RAPGEF4: variants seen among roughly 807,000 people sequenced by gnomAD.
RAPGEF4 encodes Rap guanine nucleotide exchange factor 4.
RAPGEF4 carries 66 observed loss-of-function variants against 147.9 expected under a neutral mutation model. That is an observed-to-expected ratio of 0.45 (90% CI 0.37 to 0.55). The LOEUF (loss-of-function observed/expected upper bound fraction) is 0.55. RAPGEF4 is among the 20% of genes least tolerant of loss of function. The pLI is 0.00. For missense variants in RAPGEF4, 1,071 were observed against 1,257.3 expected, an observed-to-expected ratio of 0.85 and a Z score of 2.24; for synonymous variants, 419 against 442.7, an observed-to-expected ratio of 0.95 and a Z score of 0.67.
chr2:172,739,507 G>T (rs1479608126), intron 1 of RAPGEF4, among the ~76,000 whole-genome samples: 1 of 151,978 alleles, frequency 6.6e-6, no homozygotes, highest in Non-Finnish European at 1.5e-5. Flanking sequence ...GAGTAGCTGG[G>T]ATTACAGGCA....
intron 4 of RAPGEF4, among the ~76,000 whole-genome samples, chr2:172,858,257 CG>C (rs1467330215): frequency 6.6e-6 from 1 of 152,128 alleles, no homozygotes; most frequent in Non-Finnish European, 1.5e-5. Context: ...TTAATTTCAT[CG>C]TATTCCTCTT....
At chr2:173,033,858 A>C (rs2105992650) in intron 26 of RAPGEF4, 56 bp from the exon 27 acceptor site, 1 of 1,505,064 alleles carries the variant, frequency 6.6e-7, no homozygotes, top group South Asian at 1.1e-5. Flanking sequence ...AACCCATGAT[A>C]CATATCTAGA....
chr2:172,821,737 T>TAAAAAAA (rs35414922), intron 4 of RAPGEF4: 4 of 820,050 alleles, frequency 4.9e-6, no homozygotes, highest in Admixed American at 1.1e-4. Context: ...TAACTAAAGT[T>TAAAAAAA]AAAAAAAAAA....
rs116080677 is a variant in RAPGEF4, at chr2:172,888,334, G to A, written c.445-29468G>A. On this transcript the variant is annotated intron_variant, in intron 4 of 30. Coordinates refer to ENST00000397081, the MANE Select transcript of RAPGEF4 (RefSeq NM_007023.4). The stretch of plus-strand genomic sequence containing the variant: ...TGACCAAGAAGACGGGGAACATGAT[G>A]CCCAGCTCTCCTGTATCTCAGTCTG... 1.4e-3 allele frequency among the ~76,000 whole-genome samples: 210 copies of A among 152,338 alleles called. 1 individual carries two copies. Among genetic ancestry groups the A allele is most frequent in the African/African-American group, 4.7e-3 (195 of 41,576 alleles).
chr2:173,025,891 T>G (rs950946784), intron 23 of RAPGEF4, among the ~76,000 whole-genome samples: 3 of 152,248 alleles, frequency 2.0e-5, no homozygotes, highest in Non-Finnish European at 2.9e-5. Flanking sequence ...AAAACTGAGA[T>G]AAGCAAGTCA....
In RAPGEF4 at chr2:173,017,444, C is replaced by T; in HGVS notation, c.1948C>T (p.Gln650Ter). Residue 650 changes from glutamine (Q) to a stop codon, truncating the protein, a stop_gained, in exon 21 of 31, where the codon CAG becomes TAG. Transcript: ENST00000397081. LOFTEE classifies it high-confidence loss of function. ...PQKKHKVLLQQFNTGDERAQK... is the reference protein window; with the variant it reads ...PQKKHKVLLQ ...TTTACAGCACAAGGTTCTTTTGCAA[C>T]AGTTCAATACGGGCGATGAGAGAGC... The T allele has an allele frequency of 6.2e-7, 1 of 1,614,176 alleles. No individual in the cohort carries two copies. Among genetic ancestry groups the T allele is most frequent in the Non-Finnish European group, 8.5e-7 (1 of 1,180,012 alleles).
chr2:172,817,695 C>T (rs1008403081), intron 4 of RAPGEF4, among the ~76,000 whole-genome samples: 1 of 151,878 alleles, frequency 6.6e-6, no homozygotes, highest in African/African-American at 2.4e-5. Context: ...CCTTAATGAA[C>T]AAAAATAGAA....
intron 15 of RAPGEF4, among the ~76,000 whole-genome samples, chr2:172,994,813 A>G (rs780507899): frequency 6.6e-6 from 1 of 152,214 alleles, no homozygotes; most frequent in Non-Finnish European, 1.5e-5. Context: ...CTTCTACCTT[A>G]TCTCTTTTGA....
intron 1 of RAPGEF4, among the ~76,000 whole-genome samples, chr2:172,751,791 A>C (rs1478719696): frequency 6.6e-6 from 1 of 152,190 alleles, no homozygotes; most frequent in Non-Finnish European, 1.5e-5. Flanking sequence ...CACAGGCTGA[A>C]TCAATGCGGC....
At chr2:172,882,506 A>C (rs1696739406) in intron 4 of RAPGEF4, among the ~76,000 whole-genome samples, 4 of 152,218 alleles carry the variant, frequency 2.6e-5, no homozygotes. Flanking sequence ...ACCACAAAGA[A>C]GTTCAAAATG....
intron 4 of RAPGEF4, among the ~76,000 whole-genome samples, chr2:172,880,556 A>AAACCTGG (rs1445358405): frequency 7.9e-5 from 12 of 151,194 alleles, no homozygotes; most frequent in Admixed American, 7.2e-4. Flanking sequence ...GAACTTTTGA[A>AAACCTGG]AACCTGGGCT....
chr2:172,754,855 A>G (rs974742042), intron 1 of RAPGEF4, among the ~76,000 whole-genome samples: 2 of 152,210 alleles, frequency 1.3e-5, no homozygotes, highest in Non-Finnish European at 2.9e-5. Context: ...ATCCTGGCTA[A>G]CACGGTGAAA....
intron 3 of RAPGEF4, among the ~76,000 whole-genome samples, chr2:172,798,999 G>A (rs906541465): frequency 2.0e-5 from 3 of 152,150 alleles, no homozygotes; most frequent in African/African-American, 7.2e-5. Context: ...TCACAGGGCT[G>A]GCTTTCTCTT....
chr2:172,766,263 A>G (rs1696827272), intron 1 of RAPGEF4, among the ~76,000 whole-genome samples: 1 of 152,050 alleles, frequency 6.6e-6, no homozygotes, highest in Admixed American at 6.6e-5. Context: ...TAAATTATAT[A>G]ATTTGGGGCC....
rs148625726 is a variant in RAPGEF4 at position 173,019,635 on chromosome 2, T to G, written c.2155+833T>G. ...CATGTTTTAAGGTGAATGATTCCAC[T>G]GATGGAGGATTTTTAAATGCATGTT... On this transcript the variant is annotated intron_variant, in intron 22 of 30. Transcript: ENST00000397081. Among the ~76,000 whole-genome samples, 50 of 152,368 alleles carry G rather than the reference T, an allele frequency of 3.3e-4. No individual in the cohort carries two copies. The East Asian group carries it at 9.1e-3, about 28-fold the overall frequency.
At chr2:172,939,386 T>C (rs1686921090) in intron 6 of RAPGEF4, among the ~76,000 whole-genome samples, 1 of 152,232 alleles carries the variant, frequency 6.6e-6, no homozygotes, top group African/African-American at 2.4e-5. Context: ...TTGTTTTTAA[T>C]TTCCATTTCC....
At chr2:172,846,136 A>G (rs149075987) in intron 4 of RAPGEF4, among the ~76,000 whole-genome samples, 1 of 152,320 alleles carries the variant, frequency 6.6e-6, no homozygotes, top group Non-Finnish European at 1.5e-5. Context: ...TTCAAATGTA[A>G]TTCAATGATT....
chr2:172,877,798 A>G (rs1221290474), intron 4 of RAPGEF4, among the ~76,000 whole-genome samples: 6 of 152,138 alleles, frequency 3.9e-5, no homozygotes, highest in Non-Finnish European at 8.8e-5. Flanking sequence ...GGAGTGTGTT[A>G]TGGGTGAGGG....
intron 23 of RAPGEF4, 21 bp downstream of exon 23, chr2:173,020,736 C>T (rs895364212): frequency 5.7e-6 from 9 of 1,590,784 alleles, no homozygotes; most frequent in Non-Finnish European, 7.8e-6. Flanking sequence ...ATGGCCTGCT[C>T]AGAGCAGCAT....
Sources: allele counts gnomAD v4.1 joint callset (sites outside exome capture counted in the v4.1 genomes callset), GRCh38; gene constraint gnomAD v4.1.1; transcripts MANE v1.5; gene names NCBI Gene and HGNC (gene_info 2026-07-23, HGNC 2026-07-21).